Variants in TAMM41 observed in about 807,000 individuals in gnomAD.
The protein encoded by TAMM41 is TAM41 mitochondrial translocator assembly and maintenance homolog, also known as phosphatidate cytidylyltransferase, mitochondrial.
A neutral mutation model predicts 44.1 loss-of-function variants in TAMM41; 36 were observed. The ratio of observed to expected loss-of-function variants is 0.82; its 90% confidence interval spans 0.63 to 1.08. The LOEUF (loss-of-function observed/expected upper bound fraction) is 1.08, where lower values mean the gene tolerates loss of function less well. Ranked by LOEUF, TAMM41 falls within the 50% of genes least tolerant of loss-of-function variation. The pLI, the probability that TAMM41 is intolerant of heterozygous loss-of-function variation, is 0.00. For synonymous variants in TAMM41, 164 were observed against 153.1 expected (o/e 1.07, Z -0.53); for missense variants, 417 against 404.3 (o/e 1.03, Z -0.27).
the TAMM41 span, among the ~76,000 whole-genome samples, chr3:11,727,693 T>G: frequency 6.6e-6 from 1 of 151,914 alleles, no homozygotes; most frequent in Non-Finnish European, 1.5e-5. Flanking sequence ...CTCAAACTTC[T>G]GGACTCAAGT....
intron 2 of TAMM41, among the ~76,000 whole-genome samples, chr3:11,840,521 T>C (rs539625817): frequency 5.3e-4 from 80 of 152,118 alleles, no homozygotes; most frequent in African/African-American, 1.6e-3. Context: ...AGGTGTGAGC[T>C]ACCATGCCCG....
chr3:11,816,701 G>T (rs1193385071), intron 5 of TAMM41, among the ~76,000 whole-genome samples: 1 of 152,042 alleles, frequency 6.6e-6, no homozygotes, highest in Admixed American at 6.5e-5. Context: ...AGGCTGGGGG[G>T]TGTTGAGGCT....
chr3:11,723,426 A>C, the TAMM41 span, among the ~76,000 whole-genome samples: 2 of 152,114 alleles, frequency 1.3e-5, no homozygotes, highest in Non-Finnish European at 2.9e-5. Flanking sequence ...CAAAAAATCC[A>C]AAAATTAGCT....
At chr3:11,839,842 G>A (rs540912294) in intron 2 of TAMM41, among the ~76,000 whole-genome samples, 10 of 152,280 alleles carry the variant, frequency 6.6e-5, no homozygotes, top group Non-Finnish European at 1.3e-4. Flanking sequence ...ATGTCTTACT[G>A]CTCAGGAGAC....
chr3:11,834,823 A>T (rs1433428292), intron 3 of TAMM41, among the ~76,000 whole-genome samples: 3 of 152,088 alleles, frequency 2.0e-5, no homozygotes, highest in Non-Finnish European at 4.4e-5. Flanking sequence ...AGTAGCTGGG[A>T]TTACAGGTGC....
intron 7 of TAMM41, among the ~76,000 whole-genome samples, chr3:11,802,664 G>C (rs1221660360): frequency 6.6e-6 from 1 of 152,128 alleles, no homozygotes; most frequent in Non-Finnish European, 1.5e-5. Flanking sequence ...ATTCTAAAAA[G>C]ATCAAGGAGG....
chr3:11,812,697 G>C (rs2078128995), intron 5 of TAMM41, among the ~76,000 whole-genome samples: 1 of 152,204 alleles, frequency 6.6e-6, no homozygotes, highest in Non-Finnish European at 1.5e-5. Flanking sequence ...AAGGCAATGA[G>C]TCACTACACT....
downstream of TAMM41, among the ~76,000 whole-genome samples, chr3:11,786,461 C>T (rs560250245): frequency 2.3e-3 from 347 of 151,698 alleles, no homozygotes; most frequent in African/African-American, 8.0e-3. Context: ...TGAGCCACCA[C>T]ACCTGGCTAA....
chr3:11,811,354 C>T (rs1004678048), intron 5 of TAMM41: 1 of 152,086 alleles, frequency 6.6e-6, no homozygotes, highest in African/African-American at 2.4e-5. Flanking sequence ...TTTGAGGCCA[C>T]ATATTGGGAT....
At chr3:11,812,053 G>C (rs368632906) in intron 5 of TAMM41, among the ~76,000 whole-genome samples, 2 of 152,004 alleles carry the variant, frequency 1.3e-5, no homozygotes, top group African/African-American at 2.4e-5. Context: ...TCAGCCTCCC[G>C]AGTAGCTGGG....
chr3:11,774,877 T>TTC, the TAMM41 span, among the ~76,000 whole-genome samples: 1 of 151,582 alleles, frequency 6.6e-6, no homozygotes, highest in African/African-American at 2.4e-5. Context: ...AGCATTTTTT[T>TTC]TTTTTTTTTG....
At chr3:11,795,334 TCTA>T (rs2124920106) in intron 7 of TAMM41, among the ~76,000 whole-genome samples, 1 of 152,328 alleles carries the variant, frequency 6.6e-6, no homozygotes, top group Non-Finnish European at 1.5e-5. Flanking sequence ...AATGAATGGC[TCTA>T]CTGCTTCCCA....
the TAMM41 span, among the ~76,000 whole-genome samples, chr3:11,753,417 T>C: frequency 2.1e-5 from 3 of 144,914 alleles, no homozygotes; most frequent in African/African-American, 7.8e-5. Context: ...CTGAGTGACA[T>C]AGCAAGACTG....
Position 11,817,182 on chromosome 3 carries a change from A to C in TAMM41, c.708+10T>G, listed in dbSNP as rs777608060. 4 of 1,607,154 alleles carry C rather than the reference A, an allele frequency of 2.5e-6. No individual in the cohort carries two copies. Among genetic ancestry groups the C allele is most frequent in the Non-Finnish European group, 3.4e-6 (4 of 1,175,204 alleles). ...AGAAACAATACAAGCTATTTTCCAC[A>C]TACAGTTACCTCCAGCCAGCCTTGC... On this transcript the variant is annotated intron_variant, in intron 5 of 7. Transcript: ENST00000455809.
At chr3:11,729,539 ATTTTTTTTTTTTTTTTTTTTT>A in the TAMM41 span, among the ~76,000 whole-genome samples, 1 of 32,272 alleles carries the variant, frequency 3.1e-5, no homozygotes, top group Admixed American at 4.1e-4. Flanking sequence ...TCTTTCTTTC[ATTTTTTTTTTTTTTTTTTTTT>A]TTTTTTTTTT....
intron 7 of TAMM41, among the ~76,000 whole-genome samples, chr3:11,806,446 C>G (rs1480671351): frequency 2.0e-5 from 3 of 151,950 alleles, no homozygotes; most frequent in Non-Finnish European, 4.4e-5. Context: ...AAAACAGGAG[C>G]ATTCAGAGAA....
intron 4 of TAMM41, among the ~76,000 whole-genome samples, chr3:11,818,175 G>A (rs1375382632): frequency 3.9e-5 from 6 of 152,206 alleles, no homozygotes; most frequent in Non-Finnish European, 8.8e-5. Context: ...CTTTGTTGGA[G>A]AGGGAGCAAA....
At chr3:11,744,209 A>T in the TAMM41 span, among the ~76,000 whole-genome samples, 122 of 152,160 alleles carry the variant, frequency 8.0e-4, 1 homozygote, top group African/African-American at 2.9e-3. Context: ...CTGGGATTAT[A>T]GGTGCCCACC....
chr3:11,760,765 T>C, the TAMM41 span, among the ~76,000 whole-genome samples: 1 of 152,042 alleles, frequency 6.6e-6, no homozygotes, highest in Non-Finnish European at 1.5e-5. Context: ...TTCACCATGT[T>C]GGCCAGGCTG....
Sources: gnomAD v4.1 joint callset for allele counts (sites outside exome capture counted in the v4.1 genomes callset) on GRCh38, gnomAD v4.1.1 for gene constraint, MANE v1.5 for transcripts, NCBI Gene and HGNC (gene_info 2026-07-23, HGNC 2026-07-21) for gene names.